FREM1: variants seen among roughly 807,000 people sequenced by gnomAD.
FREM1 encodes the protein FRAS1-related extracellular matrix protein 1.
FREM1 carries 220 observed loss-of-function variants against 210.1 expected under a neutral mutation model. That is an observed-to-expected ratio of 1.05 (90% confidence interval 0.94 to 1.17). FREM1 has a LOEUF of 1.17. Ranked by LOEUF, FREM1 falls within the 50% of genes most tolerant of loss-of-function variation. FREM1 has a pLI of 0.00. For synonymous variants in FREM1, 1,189 were observed against 980.2 expected (o/e 1.21, Z -3.98); for missense variants, 3,454 against 2,675.5 (o/e 1.29, Z -6.42).
At chr9:14,764,489 A>G (rs1243151590) in intron 27 of FREM1, among the ~76,000 whole-genome samples, 1 of 152,244 alleles carries the variant, frequency 6.6e-6, no homozygotes, top group African/African-American at 2.4e-5. Flanking sequence ...AGAGAGAAAG[A>G]TGGCATTGAT....
At chr9:14,883,223 T>A (rs1835135893) in intron 1 of FREM1, among the ~76,000 whole-genome samples, 1 of 152,090 alleles carries the variant, frequency 6.6e-6, no homozygotes, top group Admixed American at 6.6e-5. Context: ...AAAACTAAAT[T>A]TTGATATTTC....
chr9:14,903,062 A>G (rs750818146), intron 1 of FREM1, among the ~76,000 whole-genome samples: 1 of 152,236 alleles, frequency 6.6e-6, no homozygotes, highest in African/African-American at 2.4e-5. Context: ...TGACATTTTA[A>G]TCACCAATCA....
intron 15 of FREM1, among the ~76,000 whole-genome samples, chr9:14,814,727 C>T (rs1819999117): frequency 6.6e-6 from 1 of 152,162 alleles, no homozygotes; most frequent in Non-Finnish European, 1.5e-5. Flanking sequence ...ACAAAAGAGT[C>T]TCAGCTTTCA....
At chr9:14,900,159 C>G (rs1270418718) in intron 1 of FREM1, among the ~76,000 whole-genome samples, 1 of 152,100 alleles carries the variant, frequency 6.6e-6, no homozygotes, top group East Asian at 1.9e-4. Context: ...GGAAACACAC[C>G]AAGATGAGTT....
At chr9:14,799,304 G>C (rs1201216016) in intron 20 of FREM1, among the ~76,000 whole-genome samples, 1 of 151,348 alleles carries the variant, frequency 6.6e-6, no homozygotes. Context: ...AAAAAGGTAA[G>C]AAGAAAAACA....
chr9:14,837,239 T>A (rs2642402), intron 10 of FREM1, among the ~76,000 whole-genome samples: 1 of 152,060 alleles, frequency 6.6e-6, no homozygotes, highest in Non-Finnish European at 1.5e-5. Flanking sequence ...CAAACCTATT[T>A]CCTGAGCCCT....
At chr9:14,760,408 A>G (rs1845275514) in intron 27 of FREM1, among the ~76,000 whole-genome samples, 2 of 152,186 alleles carry the variant, frequency 1.3e-5, no homozygotes, top group African/African-American at 4.8e-5. Context: ...GTGCTTGGGA[A>G]TTAAAATGTA....
chr9:14,742,971 G>A (rs997685328), intron 35 of FREM1, among the ~76,000 whole-genome samples: 1 of 151,990 alleles, frequency 6.6e-6, no homozygotes. Flanking sequence ...AAGTGATTTC[G>A]CTTCCTTGAA....
intron 3 of FREM1, among the ~76,000 whole-genome samples, chr9:14,861,627 C>A (rs1830611906): frequency 6.6e-6 from 1 of 151,246 alleles, no homozygotes; most frequent in African/African-American, 2.4e-5. Context: ...CTGCCTTAGC[C>A]TCCCGAATAG....
chr9:14,902,350 G>C (rs1172583498), intron 1 of FREM1, among the ~76,000 whole-genome samples: 1 of 152,064 alleles, frequency 6.6e-6, no homozygotes, highest in African/African-American at 2.4e-5. Context: ...GATATCATTT[G>C]CCATTCTTAA....
intron 18 of FREM1, among the ~76,000 whole-genome samples, chr9:14,805,891 T>G (rs550135293): frequency 6.6e-6 from 1 of 152,210 alleles, no homozygotes; most frequent in Admixed American, 6.5e-5. Context: ...ACGTTTTGGC[T>G]TTAAAATTAA....
intron 15 of FREM1, among the ~76,000 whole-genome samples, chr9:14,814,094 G>T (rs1290800561): frequency 6.6e-6 from 1 of 152,016 alleles, no homozygotes. Context: ...CTTCCCCCTG[G>T]GAATTCTGTC....
At chr9:14,886,790 G>A (rs1214138417) in intron 1 of FREM1, among the ~76,000 whole-genome samples, 1 of 151,706 alleles carries the variant, frequency 6.6e-6, no homozygotes, top group African/African-American at 2.4e-5. Flanking sequence ...CCCAGCCACT[G>A]GGGAGACTGA....
rs769443084 is a variant in FREM1, at chr9:14,805,114, T to A, written c.3313A>T (p.Asn1105Tyr). 6.3e-7 allele frequency: 1 copy of A among 1,597,946 alleles called. No homozygotes were observed. The change falls in exon 19 of 37, where the codon AAC becomes TAC. Residue 1105 changes from asparagine (N) to tyrosine (Y), a missense_variant. Coordinates refer to ENST00000380880, the MANE Select transcript of FREM1 (RefSeq NM_001379081.2). ...QWKDMNAFHI[N>Y]YVQSRHLRIE... ...CTCAGATGCCTGGACTGCACATAGT[T>A]AATGTGAAAAGCGTTCATGTCTTTC...
At chr9:14,894,464 G>A (rs929979068) in intron 1 of FREM1, among the ~76,000 whole-genome samples, 2 of 152,272 alleles carry the variant, frequency 1.3e-5, no homozygotes, top group African/African-American at 4.8e-5. Flanking sequence ...CTTAAATGCA[G>A]GTTTCTAATA....
intron 24 of FREM1, among the ~76,000 whole-genome samples, chr9:14,782,909 A>C (rs1849857463): frequency 6.6e-6 from 1 of 152,210 alleles, no homozygotes; most frequent in South Asian, 2.1e-4. Flanking sequence ...ATTGTCACAG[A>C]GTTGTGAGTC....
chr9:14,879,798 A>G (rs1231862540), intron 1 of FREM1, among the ~76,000 whole-genome samples: 1 of 152,166 alleles, frequency 6.6e-6, no homozygotes, highest in African/African-American at 2.4e-5. Flanking sequence ...AGATGGAGAC[A>G]TGTGTTGTAT....
At chr9:14,873,461 G>C (rs1833099834) in intron 1 of FREM1, among the ~76,000 whole-genome samples, 1 of 152,146 alleles carries the variant, frequency 6.6e-6, no homozygotes, top group Non-Finnish European at 1.5e-5. Context: ...TTGTGTAGAG[G>C]TGTTTGCAGT....
intron 11 of FREM1, 70 bp downstream of exon 11, chr9:14,824,726 T>C (rs932920492): frequency 1.1e-6 from 1 of 939,744 alleles, no homozygotes; most frequent in Admixed American, 2.0e-5. Flanking sequence ...TATATATATA[T>C]TGCTCTATAT....
Sources: allele counts gnomAD v4.1 joint callset (sites outside exome capture counted in the v4.1 genomes callset), GRCh38; gene constraint gnomAD v4.1.1; transcripts MANE v1.5; gene names NCBI Gene and HGNC (gene_info 2026-07-23, HGNC 2026-07-21).